Variants in SLC12A8 observed in about 807,000 individuals in gnomAD.
SLC12A8 encodes the protein solute carrier family 12 member 8.
A neutral mutation model predicts 75.6 loss-of-function variants in SLC12A8; 69 were observed. The observed-to-expected ratio is 0.91, with a 90% confidence interval of 0.75 to 1.11. SLC12A8 has a LOEUF of 1.11. Among genes scored for constraint, SLC12A8 ranks in the 50% most tolerant of loss-of-function variants. The pLI, the probability that SLC12A8 is intolerant of heterozygous loss-of-function variation, is 0.00. For missense variants in SLC12A8, 877 were observed against 896.7 expected (o/e 0.98, Z 0.28); for synonymous variants, 365 against 372.8 (o/e 0.98, Z 0.24).
intron 2 of SLC12A8, among the ~76,000 whole-genome samples, chr3:125,208,787 C>CAGAGAGAGAGAG (rs1560087661): frequency 7.3e-4 from 78 of 106,320 alleles, no homozygotes; most frequent in Admixed American, 6.1e-3. Flanking sequence ...CACACACACA[C>CAGAGAGAGAGAG]ACACAGAGAG....
chr3:125,114,451 G>A (rs558077836), intron 8 of SLC12A8, among the ~76,000 whole-genome samples: 10 of 152,344 alleles, frequency 6.6e-5, no homozygotes, highest in African/African-American at 2.2e-4. Context: ...TTGAGACAGA[G>A]TTTCGCACTG....
intron 2 of SLC12A8, among the ~76,000 whole-genome samples, chr3:125,202,730 C>T (rs1055904721): frequency 3.3e-5 from 5 of 151,166 alleles, no homozygotes; most frequent in South Asian, 2.1e-4. Context: ...ATGAGAACTA[C>T]GAAACACTGA....
intron 2 of SLC12A8, 41 bp from the exon 3 acceptor site, chr3:125,190,562 G>A (rs1240797738): frequency 6.2e-7 from 1 of 1,606,384 alleles, no homozygotes; most frequent in African/African-American, 1.3e-5. Context: ...GGGGCCATTG[G>A]GAGGGCCAGG....
intron 5 of SLC12A8, among the ~76,000 whole-genome samples, chr3:125,160,076 G>A (rs1934135196): frequency 6.6e-6 from 1 of 152,186 alleles, no homozygotes; most frequent in South Asian, 2.1e-4. Flanking sequence ...CTGAGTACCT[G>A]AGACAACAGG....
chr3:125,184,004 GCT>G (rs1364236610), intron 4 of SLC12A8, among the ~76,000 whole-genome samples: 4 of 151,688 alleles, frequency 2.6e-5, no homozygotes, highest in African/African-American at 4.8e-5. Flanking sequence ...ATGGAGTATC[GCT>G]CTGTCACCCA....
chr3:125,189,238 C>T (rs1028200977), intron 3 of SLC12A8, among the ~76,000 whole-genome samples: 1 of 152,226 alleles, frequency 6.6e-6, no homozygotes, highest in African/African-American at 2.4e-5. Flanking sequence ...TACAGAAATT[C>T]TTCCTGCATT....
chr3:125,138,523 A>G (rs879347039), intron 5 of SLC12A8, among the ~76,000 whole-genome samples: 12 of 151,912 alleles, frequency 7.9e-5, no homozygotes, highest in Non-Finnish European at 1.2e-4. Flanking sequence ...AAAACTGTCC[A>G]TGTTATATAT....
At chr3:125,155,612 A>G (rs1934029817) in intron 5 of SLC12A8, among the ~76,000 whole-genome samples, 1 of 30,090 alleles carries the variant, frequency 3.3e-5, no homozygotes, top group Non-Finnish European at 1.1e-4. Flanking sequence ...TCTACTAAAA[A>G]TACAAAAAAG....
At chr3:125,127,564 A>C (rs2945114) in intron 6 of SLC12A8, among the ~76,000 whole-genome samples, 19,240 of 152,262 alleles carry the variant, frequency 0.13, 1,552 homozygotes, top group Admixed American at 0.17. Context: ...TGAAAGTACA[A>C]AATTATGAAT....
intron 5 of SLC12A8, among the ~76,000 whole-genome samples, chr3:125,138,967 C>T (rs7613706): frequency 0.02 from 2,971 of 152,096 alleles, 115 homozygotes; most frequent in African/African-American, 0.065. Flanking sequence ...AGGCTGCAGT[C>T]AGCTGTGACT....
intron 8 of SLC12A8, 151 bp from the exon 9 acceptor site, chr3:125,110,486 G>T: frequency 1.6e-6 from 1 of 637,420 alleles, no homozygotes; most frequent in Non-Finnish European, 2.6e-6. Flanking sequence ...CCCCAGCCTC[G>T]CCCCCATTCA....
intron 2 of SLC12A8, among the ~76,000 whole-genome samples, chr3:125,206,997 A>G (rs1405215022): frequency 6.6e-6 from 1 of 152,262 alleles, no homozygotes; most frequent in African/African-American, 2.4e-5. Flanking sequence ...ACAATTAAAC[A>G]TAAGATTTGG....
intron 5 of SLC12A8, among the ~76,000 whole-genome samples, chr3:125,143,247 G>A (rs1933691592): frequency 6.6e-6 from 1 of 152,172 alleles, no homozygotes; most frequent in African/African-American, 2.4e-5. Context: ...TAACAATCCT[G>A]GTACAACTAT....
At chr3:125,163,374 G>A (rs1159783960) in intron 5 of SLC12A8, among the ~76,000 whole-genome samples, 3 of 151,952 alleles carry the variant, frequency 2.0e-5, no homozygotes, top group Non-Finnish European at 2.9e-5. Context: ...TTGGGAGGCC[G>A]AGGTGGACGG....
chr3:125,180,044 G>A (rs1373217901), intron 4 of SLC12A8, among the ~76,000 whole-genome samples: 2 of 151,766 alleles, frequency 1.3e-5, no homozygotes, highest in African/African-American at 2.4e-5. Flanking sequence ...TTTTTTCCTA[G>A]CAGTAGAACA....
chr3:125,126,198 T>C (rs1933202159), intron 6 of SLC12A8, among the ~76,000 whole-genome samples: 1 of 152,196 alleles, frequency 6.6e-6, no homozygotes, highest in Non-Finnish European at 1.5e-5. Context: ...TCAGTTTTGA[T>C]ATGCAAGTCT....
Position 125,181,841 on chromosome 3 carries a change from T to C in SLC12A8, c.391-3867A>G, listed in dbSNP as rs191522643. 3.6e-3 allele frequency among the ~76,000 whole-genome samples: 544 copies of C among 150,764 alleles called. 5 individuals carry two copies. Among genetic ancestry groups the C allele is most frequent in the African/African-American group, 0.013 (516 of 41,152 alleles). On this transcript the variant is annotated intron_variant, in intron 4 of 13. Coordinates refer to ENST00000469902, the MANE Select transcript of SLC12A8 (RefSeq NM_024628.6). Reference sequence around the variant, plus strand: ...GCCTGATTACAAAGAAAAGAGAAAATGCAAAAATATAGACTATTAGGAAAA... The same window carrying C: ...GCCTGATTACAAAGAAAAGAGAAAACGCAAAAATATAGACTATTAGGAAAA...
At chr3:125,192,734 C>G (rs1266690031) in intron 2 of SLC12A8, 1 of 154,376 alleles carries the variant, frequency 6.5e-6, no homozygotes, top group East Asian at 1.9e-4. Context: ...GGTTTGGTGA[C>G]TGAGCCCTGG....
chr3:125,139,514 CCT>C (rs1481040661), intron 5 of SLC12A8, among the ~76,000 whole-genome samples: 2 of 152,224 alleles, frequency 1.3e-5, no homozygotes, highest in Non-Finnish European at 2.9e-5. Context: ...CTCACGGTCC[CCT>C]GTCCTGAGCC....
Sources: allele counts gnomAD v4.1 joint callset (sites outside exome capture counted in the v4.1 genomes callset), GRCh38; gene constraint gnomAD v4.1.1; transcripts MANE v1.5; gene names NCBI Gene and HGNC (gene_info 2026-07-23, HGNC 2026-07-21).